Variants in C4orf50 observed in about 807,000 individuals in gnomAD.
C4orf50 encodes chromosome 4 open reading frame 50.
C4orf50 carries 80 observed loss-of-function variants against 77.2 expected under a neutral mutation model. The ratio of observed to expected loss-of-function variants is 1.04; its 90% confidence interval spans 0.87 to 1.25. The LOEUF (loss-of-function observed/expected upper bound fraction) is 1.25, where lower values mean the gene tolerates loss of function less well. Ranked by LOEUF, C4orf50 falls within the 50% of genes most tolerant of loss-of-function variation. The probability of loss-of-function intolerance (pLI) is 0.00; values close to 1 mark genes in which losing one functional copy is unlikely to be tolerated. For synonymous variants in C4orf50, 532 were observed against 465.3 expected (o/e 1.14, Z -1.84); for missense variants, 1,257 against 1,152.9 (o/e 1.09, Z -1.31).
rs1722119151 is a variant in C4orf50, at chr4:6,004,345, ATGATGACGG to A, written c.963+3642_963+3650del. Among the ~76,000 whole-genome samples, 3 of 109,378 alleles carry A rather than the reference ATGATGACGG, an allele frequency of 2.7e-5. No individual in the cohort carries two copies. In the Admixed American group the frequency reaches 2.9e-4, roughly 11 times the overall value. The allele number at this position is 109,378 out of a possible 152,430, so 71.8% of individuals were successfully genotyped here. Reference sequence around the variant, plus strand: ...CGTAATGGTGATGATGGTGATGGTGATGATGACGGTGATGGTGATGATGGTGATGGTGAT... The same window carrying A: ...CGTAATGGTGATGATGGTGATGGTGATGATGGTGATGATGGTGATGGTGAT... On this transcript the variant is annotated intron_variant, in intron 25 of 33. Coordinates refer to ENST00000531445, the Ensembl canonical transcript of C4orf50.
intron 7 of C4orf50, among the ~76,000 whole-genome samples, chr4:5,936,995 A>C (rs1054904541): frequency 2.6e-5 from 4 of 152,162 alleles, no homozygotes; most frequent in African/African-American, 9.7e-5. Context: ...AGAATCTAGA[A>C]TTCTATATGA....
chr4:5,961,752 T>C (rs1199820460), intron 33 of C4orf50, among the ~76,000 whole-genome samples: 1 of 152,124 alleles, frequency 6.6e-6, no homozygotes, highest in Non-Finnish European at 1.5e-5. Context: ...GGGCGAAACA[T>C]CTCCTCATTC....
chr4:5,975,495 T>TTTTTG lies in C4orf50; in HGVS notation c.3921+399_3921+403dup, dbSNP rs61144018. Among the ~76,000 whole-genome samples, 1,401 of 149,764 alleles carry TTTTTG rather than the reference T, an allele frequency of 9.4e-3. 13 individuals are homozygous for TTTTTG. Among genetic ancestry groups the TTTTTG allele is most frequent in the African/African-American group, 0.026 (1,046 of 40,560 alleles). On this transcript the variant is annotated intron_variant, in intron 30 of 33. Transcript: ENST00000531445. ...GTCTCCTTCATTCTTCTTTGCGGTTTTTTTGTTTTGTTTTGTTTTGTTTTG... is the reference window on the plus strand; with the variant it reads ...GTCTCCTTCATTCTTCTTTGCGGTTTTTTTGTTTTGTTTTGTTTTGTTTTGTTTTG...
intron 7 of C4orf50, among the ~76,000 whole-genome samples, chr4:5,945,380 C>T (rs1363890438): frequency 6.6e-6 from 1 of 152,236 alleles, no homozygotes; most frequent in Admixed American, 6.5e-5. Context: ...TCTCAGGGGA[C>T]TCACTTCATT....
At chr4:5,975,626 C>G (rs1257262105) in intron 30 of C4orf50, among the ~76,000 whole-genome samples, 1 of 152,096 alleles carries the variant, frequency 6.6e-6, no homozygotes, top group Admixed American at 6.5e-5. Context: ...ATCTTCCCCC[C>G]TCAGCCCTCC....
chr4:5,943,188 C>T (rs1015073991), intron 7 of C4orf50, among the ~76,000 whole-genome samples: 3 of 152,178 alleles, frequency 2.0e-5, no homozygotes, highest in East Asian at 3.9e-4. Flanking sequence ...CAGCTGTTTC[C>T]GTGATGCTAC....
In C4orf50 at chr4:5,916,783, A is replaced by G. The variant is rs1200460794; in HGVS notation, c.*2475-18595T>C. Among the ~76,000 whole-genome samples the G allele has an allele frequency of 6.6e-6, 1 of 152,148 alleles. No individual in the cohort carries two copies. The highest frequency in any genetic ancestry group is 1.5e-5 in the Non-Finnish European group (1 of 68,026). ...GAGAGCACTTCTGTGAAGAGCACAG[A>G]AGGCCTCGCAGATCTTCTGCTTAGA... On this transcript the variant is annotated intron_variant, in intron 7 of 7. Coordinates refer to the C4orf50 transcript ENST00000324058. This position sits in a 1 kb window ranked among gnomAD's most constrained non-coding sequence, Gnocchi z 4.4.
At position 5,966,387 on chromosome 4, in the gene C4orf50, A is replaced by G. The variant is rs147118725; in HGVS notation, c.4153+1027T>C. On this transcript the variant is annotated intron_variant, in intron 32 of 33. Coordinates refer to ENST00000531445, the Ensembl canonical transcript of C4orf50. ...CTACTCGGGAGGCTGAGGCAAGAGA[A>G]TTGCTTGCACTGAGGAGACGGAGGT... Among the ~76,000 whole-genome samples, 882 of 152,036 alleles carry G rather than the reference A, an allele frequency of 5.8e-3. 8 individuals are homozygous for G. Among genetic ancestry groups the G allele is most frequent in the African/African-American group, 0.019 (801 of 41,490 alleles).
rs900723829 is a variant in C4orf50 at position 5,990,642 on chromosome 4, C to T, written c.1404G>A (p.Trp468Ter). 4 of 399,056 alleles carry T rather than the reference C, an allele frequency of 1.0e-5. No homozygotes were observed. Among genetic ancestry groups the T allele is most frequent in the African/African-American group, 2.1e-5 (1 of 48,622 alleles). The allele number at this position is 399,056 out of a possible 1,614,324, so 24.7% of individuals were successfully genotyped here. A position where few individuals can be genotyped will look rare whatever the true frequency, so the allele number is the denominator to read the frequency against. Residue 468 changes from tryptophan to a stop codon, truncating the protein, a stop_gained, in exon 28 of 34, where the codon TGG becomes TGA. Transcript: ENST00000531445. LOFTEE classifies it high-confidence loss of function. ...AAGAAGCGGAGTCCCCAGCCGGCCCCCAGAGAGGGAGTGCGGATGTCTGCA... is the reference window on the plus strand; with the variant it reads ...AAGAAGCGGAGTCCCCAGCCGGCCCTCAGAGAGGGAGTGCGGATGTCTGCA...
At chr4:5,962,790 C>T (rs754027117) in intron 33 of C4orf50, among the ~76,000 whole-genome samples, 14 of 152,168 alleles carry the variant, frequency 9.2e-5, no homozygotes, top group East Asian at 3.9e-4. Context: ...GAGCCAATGC[C>T]GGCGCAGTAA....
intron 28 of C4orf50, among the ~76,000 whole-genome samples, chr4:5,985,578 A>G (rs1230254631): frequency 6.6e-6 from 1 of 152,086 alleles, no homozygotes; most frequent in Non-Finnish European, 1.5e-5. Flanking sequence ...GAAAAAAAAT[A>G]AATAACAAAA....
chr4:5,958,176 G>T lies in C4orf50; in HGVS notation c.*1199C>A, dbSNP rs1396707016. On this transcript the variant is annotated 3_prime_UTR_variant, in exon 34 of 34. Transcript: ENST00000531445. This position sits in a 1 kb window ranked among gnomAD's most constrained non-coding sequence, Gnocchi z 5.4. ...CTCTGGTGGGTGAGCCTGGGTCAGGGTCTGGTGTGTGTCGTCCAAGCCCCC... is the reference window on the plus strand; with the variant it reads ...CTCTGGTGGGTGAGCCTGGGTCAGGTTCTGGTGTGTGTCGTCCAAGCCCCC... 6.6e-6 allele frequency: 1 copy of T among 152,246 alleles called. No individual in the cohort carries two copies. Among genetic ancestry groups the T allele is most frequent in the Non-Finnish European group, 1.5e-5 (1 of 68,148 alleles). 9.4% of individuals were successfully genotyped at this position (152,246 alleles called of 1,614,324 possible).
intron 28 of C4orf50, among the ~76,000 whole-genome samples, chr4:5,983,230 A>G (rs1438272717): frequency 1.3e-5 from 2 of 152,182 alleles, no homozygotes; most frequent in Non-Finnish European, 2.9e-5. Context: ...TTCACGGTAT[A>G]AACTGGGTCA....
At chr4:5,968,910 A>C (rs980287135) in intron 31 of C4orf50, among the ~76,000 whole-genome samples, 1 of 151,956 alleles carries the variant, frequency 6.6e-6, no homozygotes, top group Non-Finnish European at 1.5e-5. Flanking sequence ...GGGTGCAAGG[A>C]CCCTTGTCTG....
chr4:5,999,782 C>T (rs942481503), intron 25 of C4orf50, among the ~76,000 whole-genome samples: 1 of 152,176 alleles, frequency 6.6e-6, no homozygotes, highest in Non-Finnish European at 1.5e-5. Context: ...ACTGAGCTGA[C>T]GTGAGATCAG....
exon 34 of C4orf50, chr4:5,959,510 G>A (rs747002699): frequency 6.2e-7 from 1 of 1,614,172 alleles, no homozygotes; most frequent in Admixed American, 1.7e-5. Flanking sequence ...CGACTTGGAG[G>A]GCAGGACAGG....
At chr4:5,961,804 C>G (rs1387632174) in intron 33 of C4orf50, among the ~76,000 whole-genome samples, 1 of 151,080 alleles carries the variant, frequency 6.6e-6, no homozygotes, top group Admixed American at 6.5e-5. Context: ...TCTGTATACT[C>G]TAAAGCTCTC....
downstream of C4orf50, among the ~76,000 whole-genome samples, chr4:5,954,684 T>C (rs1212522399): frequency 6.6e-6 from 1 of 152,038 alleles, no homozygotes; most frequent in East Asian, 1.9e-4. The surrounding 1 kb of genome is among the most constrained non-coding windows in gnomAD (Gnocchi z 4.7). Context: ...AAGTAAAAGA[T>C]ACTGGTCCAA....
exon 29 of C4orf50, chr4:5,980,179 C>T (rs1314051605): frequency 6.3e-7 from 1 of 1,596,570 alleles, no homozygotes; most frequent in Non-Finnish European, 8.5e-7. Flanking sequence ...CACACCTTGG[C>T]CTGGAGCTCC....
Sources: allele counts gnomAD v4.1 joint callset (sites outside exome capture counted in the v4.1 genomes callset), GRCh38; gene constraint gnomAD v4.1.1; non-coding constraint Gnocchi (gnomAD v3.1); transcripts MANE v1.5; gene names NCBI Gene and HGNC (gene_info 2026-07-23, HGNC 2026-07-21).